The following TRAPPC3 variants were observed in gnomAD, a reference collection of about 807,000 sequenced individuals.
The protein encoded by TRAPPC3 is trafficking protein particle complex subunit 3.
Under a neutral mutation model 18.2 loss-of-function variants are expected in TRAPPC3, and 5 were observed. The ratio of observed to expected loss-of-function variants is 0.28; its 90% CI spans 0.14 to 0.58. The LOEUF is 0.58. TRAPPC3 is among the 20% of genes least tolerant of loss of function. The pLI is 0.91. For missense variants in TRAPPC3, 176 were observed against 225.9 expected (o/e 0.78, Z 1.41); for synonymous variants, 65 against 84.2 (o/e 0.77, Z 1.25).
chr1:36,138,020 G>A, intron 3 of TRAPPC3, 42 bp from the exon 4 acceptor site: 1 of 1,610,638 alleles, frequency 6.2e-7, no homozygotes, highest in Non-Finnish European at 8.5e-7. Context: ...AAGAGCAGCA[G>A]GAACTGTACC....
chr1:36,147,250 G>A (rs1400407343), intron 1 of TRAPPC3, among the ~76,000 whole-genome samples: 1 of 152,154 alleles, frequency 6.6e-6, no homozygotes, highest in Non-Finnish European at 1.5e-5. Context: ...TTGAACCTGG[G>A]AGGTGGAGGC....
rs1174749360 is a variant in TRAPPC3, at chr1:36,149,427, A to T, written c.-49T>A. 6.2e-7 allele frequency: 1 copy of T among 1,600,158 alleles called. No individual in the cohort carries two copies. Among genetic ancestry groups the T allele is most frequent in the African/African-American group, 1.4e-5 (1 of 73,792 alleles). On this transcript the variant is annotated 5_prime_UTR_variant, in exon 1 of 5. Coordinates refer to ENST00000373166, the MANE Select transcript of TRAPPC3 (RefSeq NM_014408.5). The stretch of plus-strand genomic sequence containing the variant: ...CGCCTAGCCACGGGTTAGCTCGGCG[A>T]CCCCTGCAGACGCCGGAGCCTAAGC...
At chr1:36,143,859 G>A (rs895127989) in intron 1 of TRAPPC3, among the ~76,000 whole-genome samples, 1 of 152,182 alleles carries the variant, frequency 6.6e-6, no homozygotes, top group Non-Finnish European at 1.5e-5. Flanking sequence ...TGGTGACAAT[G>A]TTACCTGCCT....
intron 1 of TRAPPC3, 125 bp from the exon 2 acceptor site, chr1:36,140,291 C>T (rs2124146700): frequency 6.5e-6 from 4 of 610,762 alleles, no homozygotes; most frequent in Admixed American, 7.5e-5. Flanking sequence ...GAAAGAACAT[C>T]ATCCCCTTTG....
At chr1:36,144,688 T>C (rs1644167424) in intron 1 of TRAPPC3, among the ~76,000 whole-genome samples, 1 of 152,228 alleles carries the variant, frequency 6.6e-6, no homozygotes, top group African/African-American at 2.4e-5. Flanking sequence ...GCTTAACAGC[T>C]GTGAGTACTT....
chr1:36,138,004 T>C (rs1359150715), intron 3 of TRAPPC3, 26 bp from the exon 4 acceptor site: 5 of 1,611,608 alleles, frequency 3.1e-6, no homozygotes, highest in Admixed American at 3.3e-5. Flanking sequence ...CAACAGCACT[T>C]TGGGGAAGAG....
upstream of TRAPPC3, among the ~76,000 whole-genome samples, chr1:36,154,339 G>A (rs919100611): frequency 2.6e-5 from 4 of 152,050 alleles, no homozygotes; most frequent in East Asian, 1.9e-4. Context: ...GGTATCTCGC[G>A]ACTCCCATCC....
upstream of TRAPPC3, among the ~76,000 whole-genome samples, chr1:36,149,925 T>A (rs529199664): frequency 1.3e-3 from 199 of 152,328 alleles, 1 homozygote; most frequent in African/African-American, 4.7e-3. Context: ...AGAATTGGCT[T>A]CTTCATTAGA....
upstream of TRAPPC3, among the ~76,000 whole-genome samples, chr1:36,150,465 T>C (rs1644260074): frequency 6.6e-6 from 1 of 152,208 alleles, no homozygotes; most frequent in South Asian, 2.1e-4. Context: ...GAAGCTGGGC[T>C]GGGGGGTCCC....
At chr1:36,138,188 CT>C in intron 3 of TRAPPC3, 1 of 1,550,134 alleles carries the variant, frequency 6.5e-7, no homozygotes, top group South Asian at 1.2e-5. Context: ...ACAGTTTTGC[CT>C]GTCGCTTTGT....
chr1:36,149,636 C>T (rs1273022266), upstream of TRAPPC3: 1 of 565,462 alleles, frequency 1.8e-6, no homozygotes, highest in African/African-American at 1.9e-5. Context: ...CTACAACTCC[C>T]GGAGTGCTCC....
chr1:36,154,370 C>A (rs1481359472), upstream of TRAPPC3, among the ~76,000 whole-genome samples: 1 of 152,142 alleles, frequency 6.6e-6, no homozygotes, highest in Non-Finnish European at 1.5e-5. Context: ...CCATCTCCAT[C>A]CCTGCAGTAA....
In TRAPPC3 at chr1:36,149,441, C is replaced by G; in HGVS notation, c.-63G>C. 1 of 1,594,628 alleles carries G rather than the reference C, an allele frequency of 6.3e-7. No individual in the cohort carries two copies. Among genetic ancestry groups the G allele is most frequent in the Non-Finnish European group, 8.5e-7 (1 of 1,170,296 alleles). ...TTAGCTCGGCGACCCCTGCAGACGC[C>G]GGAGCCTAAGCCGCTGCCCCTCAGC... On this transcript the variant is annotated 5_prime_UTR_variant, in exon 1 of 5. Coordinates refer to ENST00000373166, the MANE Select transcript of TRAPPC3 (RefSeq NM_014408.5).
chr1:36,149,098 T>C (rs1221198161), intron 1 of TRAPPC3: 32 of 1,400,488 alleles, frequency 2.3e-5, no homozygotes, highest in Non-Finnish European at 2.8e-5. Flanking sequence ...TTACCGTCGT[T>C]GTTGTTGGCT....
At chr1:36,149,065 T>G (rs79648550) in intron 1 of TRAPPC3, 4 of 1,231,274 alleles carry the variant, frequency 3.2e-6, no homozygotes, top group Admixed American at 1.1e-4. Context: ...AGAGAGAAGT[T>G]AAGTGGCAGT....
chr1:36,139,667 A>G (rs1428450253), intron 3 of TRAPPC3, 53 bp downstream of exon 3: 6 of 1,608,328 alleles, frequency 3.7e-6, no homozygotes, highest in Non-Finnish European at 5.1e-6. Flanking sequence ...AGTGGTAAGC[A>G]GTGCCTCTCA....
chr1:36,144,980 T>C (rs1040736363), intron 1 of TRAPPC3, among the ~76,000 whole-genome samples: 8 of 152,090 alleles, frequency 5.3e-5, no homozygotes, highest in Non-Finnish European at 1.0e-4. Context: ...TTCCCGTTAG[T>C]GCCCCAAACA....
upstream of TRAPPC3, among the ~76,000 whole-genome samples, chr1:36,151,192 G>A (rs1304365207): frequency 6.6e-6 from 1 of 152,096 alleles, no homozygotes; most frequent in Non-Finnish European, 1.5e-5. Flanking sequence ...ATCTCAGGTT[G>A]ATCTATATGA....
At chr1:36,155,263 C>G (rs570100251) in intron 1 of TRAPPC3, among the ~76,000 whole-genome samples, 1 of 152,258 alleles carries the variant, frequency 6.6e-6, no homozygotes, top group South Asian at 2.1e-4. Context: ...GCTCCCCACT[C>G]TGCCCCGGGC....
Sources: gnomAD v4.1 joint callset for allele counts (sites outside exome capture counted in the v4.1 genomes callset) on GRCh38, gnomAD v4.1.1 for gene constraint, MANE v1.5 for transcripts, NCBI Gene and HGNC (gene_info 2026-07-23, HGNC 2026-07-21) for gene names.